NOL4L: variants seen among roughly 807,000 people sequenced by gnomAD.
NOL4L encodes the protein nucleolar protein 4 like.
Under a neutral mutation model 64.5 loss-of-function variants are expected in NOL4L, and 7 were observed. The observed-to-expected ratio is 0.11, with a 90% CI of 0.06 to 0.20. NOL4L has a LOEUF of 0.20. NOL4L is among the 10% of genes least tolerant of loss of function. The pLI is 1.00. For missense variants in NOL4L, 680 were observed against 967.1 expected, an observed-to-expected ratio of 0.70 and a Z score of 3.94; for synonymous variants, 413 against 401.0, an observed-to-expected ratio of 1.03 and a Z score of -0.36.
intron 3 of NOL4L, among the ~76,000 whole-genome samples, chr20:32,516,067 G>A (rs527768674): frequency 3.3e-5 from 5 of 152,270 alleles, no homozygotes; most frequent in South Asian, 2.1e-4. Context: ...TCATTTCCTC[G>A]TGGGAACACC....
rs1370296209 is a variant in NOL4L, at chr20:32,453,710, C to T, written c.1171G>A (p.Gly391Ser). 6 of 1,558,956 alleles carry T rather than the reference C, an allele frequency of 3.8e-6. No homozygotes were observed. Among genetic ancestry groups the T allele is most frequent in the East Asian group, 2.4e-5 (1 of 41,482 alleles). Residue 391 changes from glycine (G) to serine (S), a missense_variant, in exon 7 of 11, where the codon GGC becomes AGC. This residue lies in a region of NOL4L where 254 missense variants were observed against 238.7 expected (regional missense o/e 1.06). Coordinates refer to ENST00000621426, the MANE Select transcript of NOL4L (RefSeq NM_001256798.2). The surrounding 1 kb of genome is among the most constrained non-coding windows in gnomAD (Gnocchi z 5.6). Reference sequence around the variant, plus strand: ...CCCACTGTCAGGTCCTCAGGGCAGCCGCTGACCTCGGTCTTGATGGAATCG... The same window carrying T: ...CCCACTGTCAGGTCCTCAGGGCAGCTGCTGACCTCGGTCTTGATGGAATCG... ...SYDSIKTEVSGCPEDLTVGRA... is the reference protein window; with the variant it reads ...SYDSIKTEVSSCPEDLTVGRA...
Position 32,456,107 on chromosome 20 carries a change from GC to G in NOL4L, c.1119+10del, listed in dbSNP as rs2013477362. On this transcript the variant is annotated intron_variant, in intron 6 of 10. Transcript: ENST00000621426. Reference sequence around the variant, plus strand: ...CAGAAAGAAATGGACTCAGCCCCCAGCCCCACACACCTCGGGGGTGGTCTTC... The same window carrying G: ...CAGAAAGAAATGGACTCAGCCCCCAGCCCACACACCTCGGGGGTGGTCTTC... 1 of 1,496,454 alleles carries G rather than the reference GC, an allele frequency of 6.7e-7. No homozygotes were observed. The highest frequency in any genetic ancestry group is 1.4e-5 in the South Asian group (1 of 73,056). 92.7% of individuals were successfully genotyped at this position (1,496,454 alleles called of 1,614,324 possible). A position where few individuals can be genotyped will look rare whatever the true frequency, so the allele number is the denominator to read the frequency against.
At chr20:32,511,867 G>A (rs536145389) in intron 3 of NOL4L, among the ~76,000 whole-genome samples, 2 of 152,196 alleles carry the variant, frequency 1.3e-5, no homozygotes, top group East Asian at 1.9e-4. Flanking sequence ...TTAGCCAGAC[G>A]TGGTGGTGTG....
At chr20:32,518,649 G>T (rs911546270) in intron 3 of NOL4L, among the ~76,000 whole-genome samples, 1 of 152,230 alleles carries the variant, frequency 6.6e-6, no homozygotes, top group African/African-American at 2.4e-5. Context: ...AAGCAATTCT[G>T]TGTCTGACTC....
chr20:32,531,663 C>T (rs2018351960), intron 1 of NOL4L, among the ~76,000 whole-genome samples: 2 of 152,028 alleles, frequency 1.3e-5, no homozygotes, highest in Non-Finnish European at 1.5e-5. Context: ...TATTTTTATA[C>T]CTCTTGAAAG....
chr20:32,584,133 G>GCGCACACACACACA (rs1555811186), intron 1 of NOL4L, among the ~76,000 whole-genome samples: 6 of 88,822 alleles, frequency 6.8e-5, no homozygotes, highest in African/African-American at 3.1e-4. Flanking sequence ...CTCCGCGCGC[G>GCGCACACACACACA]CACACACACA....
At chr20:32,455,470 A>G (rs1318932675) in intron 6 of NOL4L, among the ~76,000 whole-genome samples, 1 of 152,234 alleles carries the variant, frequency 6.6e-6, no homozygotes, top group Non-Finnish European at 1.5e-5. Flanking sequence ...GAGCCTGTCC[A>G]GAGGTGTAAG....
intron 9 of NOL4L, 148 bp downstream of exon 9, chr20:32,452,736 A>G: frequency 2.4e-6 from 3 of 1,264,150 alleles, no homozygotes; most frequent in Non-Finnish European, 3.3e-6. Flanking sequence ...ACCTCCACCC[A>G]CCTCCTCTCC....
chr20:32,583,741 C>T (rs1448228903), intron 1 of NOL4L, among the ~76,000 whole-genome samples: 1 of 146,268 alleles, frequency 6.8e-6, no homozygotes, highest in Non-Finnish European at 1.5e-5. Flanking sequence ...GCGCCCCGGG[C>T]CAGAGGGGAC....
chr20:32,453,895 C>T lies in NOL4L; in HGVS notation c.1120-134G>A, dbSNP rs2013197622. 2.6e-6 allele frequency: 2 copies of T among 776,864 alleles called. No homozygotes were observed. The highest frequency in any genetic ancestry group is 2.5e-5 in the Admixed American group (1 of 39,972). The allele number at this position is 776,864 out of a possible 1,614,324, so 48.1% of individuals were successfully genotyped here. ...TGCCACGAGAGCCATAGCTGCGAGG[C>T]CCTGAGCAAGTCACTCCCCTCTTCT... On this transcript the variant is annotated intron_variant, in intron 6 of 10. Coordinates refer to ENST00000621426, the MANE Select transcript of NOL4L (RefSeq NM_001256798.2). The surrounding 1 kb of genome is among the most constrained non-coding windows in gnomAD (Gnocchi z 5.6).
intron 5 of NOL4L, among the ~76,000 whole-genome samples, chr20:32,473,302 G>A (rs755226771): frequency 2.0e-5 from 3 of 152,202 alleles, no homozygotes; most frequent in South Asian, 2.1e-4. Flanking sequence ...GCTCAGTTGA[G>A]GCGGGAGGTC....
chr20:32,534,771 C>T (rs955531038), intron 1 of NOL4L, among the ~76,000 whole-genome samples: 25 of 150,978 alleles, frequency 1.7e-4, no homozygotes, highest in African/African-American at 6.1e-4. Flanking sequence ...GTCCCAGGTA[C>T]TCAGGAAGCT....
intron 1 of NOL4L, among the ~76,000 whole-genome samples, chr20:32,547,985 C>T (rs2018753522): frequency 6.6e-6 from 1 of 152,204 alleles, no homozygotes; most frequent in Non-Finnish European, 1.5e-5. Flanking sequence ...GGAATCCTTC[C>T]CTGACCTTCC....
chr20:32,582,813 C>CG (rs1980568225), intron 1 of NOL4L, among the ~76,000 whole-genome samples: 1 of 152,098 alleles, frequency 6.6e-6, no homozygotes, highest in African/African-American at 2.4e-5. Flanking sequence ...CGCCCTCCGG[C>CG]GGGGGGCAGT....
chr20:32,502,677 G>A (rs545276857), intron 4 of NOL4L, among the ~76,000 whole-genome samples: 1 of 151,902 alleles, frequency 6.6e-6, no homozygotes, highest in African/African-American at 2.4e-5. Context: ...TTGGGAAGCC[G>A]AGGCGGGTGG....
chr20:32,552,934 C>T (rs1001332876), intron 1 of NOL4L, among the ~76,000 whole-genome samples: 4 of 152,092 alleles, frequency 2.6e-5, no homozygotes, highest in Admixed American at 6.5e-5. Context: ...AATCTGGGGG[C>T]GGAGGCTGCA....
rs866737898 is a variant in NOL4L at position 32,488,850 on chromosome 20, T to C, written c.700-14108A>G. 1.8e-3 allele frequency among the ~76,000 whole-genome samples: 170 copies of C among 95,966 alleles called. 2 individuals are homozygous for C. Among genetic ancestry groups the C allele is most frequent in the Middle Eastern group, 0.016 (4 of 246 alleles). 63.0% of individuals were successfully genotyped at this position (95,966 alleles called of 152,430 possible). On this transcript the variant is annotated intron_variant, in intron 4 of 10. Transcript: ENST00000621426. ...CTTTTTCTTTCTTTCTTTCTTTCTT[T>C]CTTTCTTTCTTTCTTTCTTTCTTTC...
chr20:32,450,381 C>T (rs2012768636), intron 10 of NOL4L: 1 of 152,310 alleles, frequency 6.6e-6, no homozygotes, highest in Non-Finnish European at 1.5e-5. Context: ...AAATGAGGTA[C>T]TAGTGCTCAA....
Position 32,456,190 on chromosome 20 carries a change from G to A in NOL4L, c.1047C>T (p.Ser349=), listed in dbSNP as rs372152701. 14 of 1,605,994 alleles carry A rather than the reference G, an allele frequency of 8.7e-6. No individual in the cohort carries two copies. Among genetic ancestry groups the A allele is most frequent in the Middle Eastern group, 1.6e-4 (1 of 6,062 alleles). The change falls in exon 6 of 11, where the codon TCC becomes TCT. Residue 349 remains serine (S), a synonymous_variant. Coordinates refer to ENST00000621426, the MANE Select transcript of NOL4L (RefSeq NM_001256798.2). ...CGGCACCGCAGCCATCCGAGGGGTA[G>A]GAGGCTGTGCCAAGTGCCGTGGCCG... The part of the protein sequence containing the change: ...LPPATALGTA[S]YPSDGCGADG...
Sources: gnomAD v4.1 joint callset for allele counts (sites outside exome capture counted in the v4.1 genomes callset) on GRCh38, gnomAD v4.1.1 for gene constraint, gnomAD v4.1.1 regional missense constraint, Gnocchi (gnomAD v3.1) non-coding constraint, MANE v1.5 for transcripts, NCBI Gene and HGNC (gene_info 2026-07-23, HGNC 2026-07-21) for gene names.